Variants in CIT observed in about 807,000 individuals in gnomAD.
CIT encodes citron Rho-interacting kinase.
In CIT, 79 loss-of-function variants were observed where a neutral mutation model predicts 272.7. The observed-to-expected ratio is 0.29, with a 90% confidence interval of 0.24 to 0.35. The LOEUF (loss-of-function observed/expected upper bound fraction) is 0.35. CIT is among the 10% of genes least tolerant of loss of function. The pLI is 1.00. For synonymous variants in CIT, 948 were observed against 995.6 expected, an observed-to-expected ratio of 0.95 and a Z score of 0.90; for missense variants, 1,909 against 2,618.3, an observed-to-expected ratio of 0.73 and a Z score of 5.91.
chr12:119,806,956 C>T (rs1966647408), intron 9 of CIT, among the ~76,000 whole-genome samples: 1 of 152,150 alleles, frequency 6.6e-6, no homozygotes, highest in African/African-American at 2.4e-5. Flanking sequence ...AAATAGCAGA[C>T]TAGATACAGC....
rs1008214513 is a variant in CIT at position 119,712,410 on chromosome 12, G to C, written c.4685-63C>G. On this transcript the variant is annotated intron_variant, in intron 36 of 47. Transcript: ENST00000392521. The surrounding 1 kb of genome is among the most constrained non-coding windows in gnomAD (Gnocchi z 5.2). Reference sequence around the variant, plus strand: ...TTCCCCCGTTCCCACTGGGAGGGACGGGCCTGAGAGATCAAAGATGCCCAC... The same window carrying C: ...TTCCCCCGTTCCCACTGGGAGGGACCGGCCTGAGAGATCAAAGATGCCCAC... The C allele has an allele frequency of 1.3e-6, 2 of 1,517,018 alleles. No homozygotes were observed. Among genetic ancestry groups the C allele is most frequent in the Non-Finnish European group, 1.8e-6 (2 of 1,117,410 alleles). The allele number at this position is 1,517,018 out of a possible 1,614,324, so 94.0% of individuals were successfully genotyped here.
intron 7 of CIT, among the ~76,000 whole-genome samples, chr12:119,828,002 G>A (rs1468087187): frequency 2.6e-5 from 4 of 152,088 alleles, no homozygotes; most frequent in Non-Finnish European, 5.9e-5. Context: ...CCAAAGAGTT[G>A]CAAAAACAGA....
At chr12:119,736,780 A>G (rs1329867868) in intron 24 of CIT, among the ~76,000 whole-genome samples, 1 of 152,242 alleles carries the variant, frequency 6.6e-6, no homozygotes, top group African/African-American at 2.4e-5. Flanking sequence ...TGAATAAACA[A>G]TGCCCAGTAG....
At chr12:119,866,862 C>A (rs942219176) in intron 3 of CIT, among the ~76,000 whole-genome samples, 1 of 152,128 alleles carries the variant, frequency 6.6e-6, no homozygotes, top group Non-Finnish European at 1.5e-5. Flanking sequence ...TGAAAGCAGC[C>A]ATAGGCACTG....
rs765600855 is a variant in CIT at position 119,758,612 on chromosome 12, C to A, written c.2510G>T (p.Ser837Ile). Residue 837 changes from serine to isoleucine, a missense_variant, in exon 21 of 48, where the codon AGT becomes ATT. Coordinates refer to ENST00000392521, the MANE Select transcript of CIT (RefSeq NM_001206999.2). ...SEANKLAANS[S>I]LFTQRNMKAQ... Reference sequence around the variant, plus strand: ...TTACATGTTCCTTTGGGTAAAAAGACTGCTATTTGCTGCAAGTTTATTGGC... The same window carrying A: ...TTACATGTTCCTTTGGGTAAAAAGAATGCTATTTGCTGCAAGTTTATTGGC... The A allele has an allele frequency of 6.2e-7, 1 of 1,611,384 alleles. No homozygotes were observed. Among genetic ancestry groups the A allele is most frequent in the African/African-American group, 1.3e-5 (1 of 74,876 alleles).
chr12:119,808,043 TGTTTCA>T (rs1410096193), intron 9 of CIT, among the ~76,000 whole-genome samples: 2 of 152,202 alleles, frequency 1.3e-5, no homozygotes, highest in African/African-American at 4.8e-5. Flanking sequence ...TTTTTGTTTT[TGTTTCA>T]GTTATAAAAT....
At chr12:119,844,312 G>A (rs1445681964) in intron 5 of CIT, among the ~76,000 whole-genome samples, 2 of 152,026 alleles carry the variant, frequency 1.3e-5, no homozygotes, top group African/African-American at 4.8e-5. Flanking sequence ...ATAAGCCACC[G>A]CGCCCAGCCA....
intron 23 of CIT, among the ~76,000 whole-genome samples, chr12:119,747,208 G>A (rs1041684295): frequency 2.0e-5 from 3 of 151,996 alleles, no homozygotes; most frequent in Non-Finnish European, 4.4e-5. Context: ...GGATCACAAG[G>A]TCAGGAGTTC....
chr12:119,850,370 A>T, intron 4 of CIT, 95 bp from the exon 5 acceptor site: 2 of 379,758 alleles, frequency 5.3e-6, no homozygotes, highest in Non-Finnish European at 8.4e-6. Context: ...TGATGTTTCT[A>T]GCTTTAAAAA....
At chr12:119,837,007 T>C (rs1969064512) in intron 5 of CIT, among the ~76,000 whole-genome samples, 1 of 152,192 alleles carries the variant, frequency 6.6e-6, no homozygotes, top group Non-Finnish European at 1.5e-5. Context: ...CAGGGTTGAT[T>C]GAGAAAACAA....
rs1230807708 is a variant in CIT, at chr12:119,863,752, G to A, written c.238+5308C>T. The stretch of plus-strand genomic sequence containing the variant: ...TCACCATGTTGGCCAGGATGGTCTC[G>A]ATCTCTTGACCTCATGATGCACCTG... On this transcript the variant is annotated intron_variant, in intron 3 of 47. Coordinates refer to ENST00000392521, the MANE Select transcript of CIT (RefSeq NM_001206999.2). Among the ~76,000 whole-genome samples the A allele has an allele frequency of 4.6e-5, 7 of 151,080 alleles. No individual in the cohort carries two copies. The South Asian group carries it at 1.1e-3, about 23-fold the overall frequency.
At chr12:119,811,697 A>G (rs1966849027) in intron 9 of CIT, among the ~76,000 whole-genome samples, 1 of 152,210 alleles carries the variant, frequency 6.6e-6, no homozygotes, top group African/African-American at 2.4e-5. Context: ...CCAAAGATTC[A>G]TACTTTTAGA....
intron 24 of CIT, among the ~76,000 whole-genome samples, chr12:119,740,549 T>A (rs1959009935): frequency 6.6e-6 from 1 of 151,790 alleles, no homozygotes; most frequent in Non-Finnish European, 1.5e-5. Context: ...AAAAAAAAGT[T>A]TTTTAGAAAG....
intron 28 of CIT, among the ~76,000 whole-genome samples, chr12:119,722,564 G>A (rs1409755981): frequency 1.3e-5 from 2 of 152,044 alleles, no homozygotes; most frequent in African/African-American, 4.8e-5. Flanking sequence ...CTAAGGCATC[G>A]TGTTGCAGTA....
rs571791885 is a variant in CIT, at chr12:119,865,228, G to C, written c.238+3832C>G. Reference sequence around the variant, plus strand: ...AAACCAAGTCTTCTGATCACTAAATGATTCTAGATAATTCACTGCTGTTAA... The same window carrying C: ...AAACCAAGTCTTCTGATCACTAAATCATTCTAGATAATTCACTGCTGTTAA... On this transcript the variant is annotated intron_variant, in intron 3 of 47. Transcript: ENST00000392521. Among the ~76,000 whole-genome samples the C allele has an allele frequency of 5.3e-5, 8 of 152,238 alleles. No individual in the cohort carries two copies. In the East Asian group the frequency reaches 1.5e-3, roughly 29 times the overall value.
chr12:119,854,583 C>A (rs1970455709), intron 4 of CIT, among the ~76,000 whole-genome samples: 1 of 151,990 alleles, frequency 6.6e-6, no homozygotes. Flanking sequence ...GCAGAGGTTG[C>A]AGTGAGTGAG....
At chr12:119,823,054 A>G (rs764681594) in intron 8 of CIT, 81 bp from the exon 9 acceptor site, 20 of 1,405,304 alleles carry the variant, frequency 1.4e-5, no homozygotes, top group Non-Finnish European at 1.8e-5. Context: ...AGTATTTCTC[A>G]TATATGCAAG....
Position 119,850,243 on chromosome 12 carries a change from T to C in CIT, c.447A>G (p.Leu149=). Residue 149 remains leucine (L), a synonymous_variant, in exon 5 of 48, where the codon TTA becomes TTG. Transcript: ENST00000392521. ...GGATCCACGGGCTTGTGCTTCGAGA[T>C]AATATGTTCCGCTCTTCCTCAAAAA... The part of the protein sequence containing the change: ...VSFFEEERNI[L]SRSTSPWIPQ... The C allele has an allele frequency of 6.2e-7, 1 of 1,612,908 alleles. No homozygotes were observed. Among genetic ancestry groups the C allele is most frequent in the Non-Finnish European group, 8.5e-7 (1 of 1,179,512 alleles).
intron 10 of CIT, 120 bp downstream of exon 10, chr12:119,803,086 A>T (rs1466473093): frequency 2.8e-6 from 2 of 703,602 alleles, no homozygotes; most frequent in Non-Finnish European, 4.4e-6. Flanking sequence ...AATGCAGGTG[A>T]CTAGCAGCTT....
Sources: allele counts gnomAD v4.1 joint callset (sites outside exome capture counted in the v4.1 genomes callset), GRCh38; gene constraint gnomAD v4.1.1; non-coding constraint Gnocchi (gnomAD v3.1); transcripts MANE v1.5; gene names NCBI Gene and HGNC (gene_info 2026-07-23, HGNC 2026-07-21).